Variants in PIK3R5 observed in about 807,000 individuals in gnomAD.
PIK3R5 encodes phosphoinositide 3-kinase regulatory subunit 5.
Under a neutral mutation model 94.9 loss-of-function variants are expected in PIK3R5, and 32 were observed. The observed-to-expected ratio is 0.34, with a 90% CI of 0.25 to 0.45. The LOEUF is 0.45. Among genes scored for constraint, PIK3R5 ranks in the 20% least tolerant of loss-of-function variants. The pLI is 1.00. For missense variants in PIK3R5, 853 were observed against 1,144.6 expected, an observed-to-expected ratio of 0.75 and a Z score of 3.68; for synonymous variants, 443 against 479.4, an observed-to-expected ratio of 0.92 and a Z score of 0.99.
intron 1 of PIK3R5, among the ~76,000 whole-genome samples, chr17:8,929,159 G>GA (rs1325208114): frequency 6.6e-6 from 1 of 151,994 alleles, no homozygotes; most frequent in Non-Finnish European, 1.5e-5. Context: ...TAGTCCATAG[G>GA]AAAAAATGCA....
At position 8,881,913 on chromosome 17, in the gene PIK3R5, T is replaced by A; in HGVS notation, c.2206-32A>T. ...ATGCAGTGTAGCCAGACCCTCTGAGTCCAGAGGCCCCGGTGCCTGCTGCCT... is the reference window on the plus strand; with the variant it reads ...ATGCAGTGTAGCCAGACCCTCTGAGACCAGAGGCCCCGGTGCCTGCTGCCT... On this transcript the variant is annotated intron_variant, in intron 15 of 18. Transcript: ENST00000447110. The surrounding 1 kb of genome is among the most constrained non-coding windows in gnomAD (Gnocchi z 4.8). 2 of 1,543,282 alleles carry A rather than the reference T, an allele frequency of 1.3e-6. No individual in the cohort carries two copies. The highest frequency in any genetic ancestry group is 1.8e-6 in the Non-Finnish European group (2 of 1,120,548).
rs977745949 is a variant in PIK3R5 at position 8,899,809 on chromosome 17, G to A, written c.412+4968C>T. 9.9e-5 allele frequency among the ~76,000 whole-genome samples: 15 copies of A among 152,188 alleles called. 1 individual carries two copies. Among genetic ancestry groups the A allele is most frequent in the African/African-American group, 3.6e-4 (15 of 41,430 alleles). ...AATCCCAGCACTTTGGGAGGCCGAG[G>A]TGGGCGGCTCACAAGGTTAGGAGTT... On this transcript the variant is annotated intron_variant, in intron 5 of 18. Transcript: ENST00000447110.
rs2089979918 is a variant in PIK3R5 at position 8,889,883 on chromosome 17, G to A, written c.811+90C>T. On this transcript the variant is annotated intron_variant, in intron 8 of 18. Transcript: ENST00000447110. This position sits in a 1 kb window ranked among gnomAD's most constrained non-coding sequence, Gnocchi z 4.1. ...AGTCCCTGAGTGACTGTGTGGAGCA[G>A]AGCCACCAGGCCCGCCTGGACCGTG... 3.6e-6 allele frequency: 5 copies of A among 1,391,136 alleles called. No homozygotes were observed. Among genetic ancestry groups the A allele is most frequent in the Non-Finnish European group, 4.0e-6 (4 of 991,660 alleles). The allele number at this position is 1,391,136 out of a possible 1,614,324, so 86.2% of individuals were successfully genotyped here.
chr17:8,949,729 T>C (rs1176717264), intron 1 of PIK3R5, among the ~76,000 whole-genome samples: 1 of 152,058 alleles, frequency 6.6e-6, no homozygotes, highest in Non-Finnish European at 1.5e-5. Flanking sequence ...TGCAAAGGCA[T>C]AAGAATGATA....
At chr17:8,912,276 C>A (rs1314042823) in intron 1 of PIK3R5, among the ~76,000 whole-genome samples, 1 of 152,184 alleles carries the variant, frequency 6.6e-6, no homozygotes, top group Non-Finnish European at 1.5e-5. Context: ...TGTATGAGGG[C>A]TCCTGGGTCT....
At chr17:8,931,293 G>C (rs764611378) in intron 1 of PIK3R5, among the ~76,000 whole-genome samples, 1 of 152,030 alleles carries the variant, frequency 6.6e-6, no homozygotes, top group African/African-American at 2.4e-5. Flanking sequence ...GGTGATATTC[G>C]AGAGTCCACC....
chr17:8,941,752 C>T (rs891222666), intron 1 of PIK3R5, among the ~76,000 whole-genome samples: 1 of 152,162 alleles, frequency 6.6e-6, no homozygotes, highest in Admixed American at 6.5e-5. Flanking sequence ...GAACACCTGC[C>T]GTGGTTGTCC....
intron 1 of PIK3R5, among the ~76,000 whole-genome samples, chr17:8,961,937 T>C (rs760694630): frequency 6.6e-6 from 1 of 152,154 alleles, no homozygotes; most frequent in Non-Finnish European, 1.5e-5. Context: ...ACCGATAACC[T>C]CAACTATCCA....
chr17:8,911,658 A>G lies in PIK3R5; in HGVS notation c.-13-151T>C. On this transcript the variant is annotated intron_variant, in intron 1 of 18. Coordinates refer to ENST00000447110, the MANE Select transcript of PIK3R5 (RefSeq NM_001142633.3). The surrounding 1 kb of genome is among the most constrained non-coding windows in gnomAD (Gnocchi z 5.3). ...GTGGAAACAGGACCAGGGGCCTTACAGCTGCCTCCAGGGTAGGAATGGCAT... is the reference window on the plus strand; with the variant it reads ...GTGGAAACAGGACCAGGGGCCTTACGGCTGCCTCCAGGGTAGGAATGGCAT... 1.7e-6 allele frequency: 1 copy of G among 588,576 alleles called. No homozygotes were observed. Among genetic ancestry groups the G allele is most frequent in the East Asian group, 2.9e-5 (1 of 34,534 alleles). The allele number at this position is 588,576 out of a possible 1,614,324, so 36.5% of individuals were successfully genotyped here. A position where few individuals can be genotyped will look rare whatever the true frequency, so the allele number is the denominator to read the frequency against.
At chr17:8,899,530 G>A (rs933762688) in intron 5 of PIK3R5, among the ~76,000 whole-genome samples, 16 of 152,186 alleles carry the variant, frequency 1.1e-4, no homozygotes, top group Non-Finnish European at 1.6e-4. Flanking sequence ...ATGAGGAAAC[G>A]GAAGCTCACA....
chr17:8,913,928 T>C (rs1170586839), intron 1 of PIK3R5, among the ~76,000 whole-genome samples: 1 of 152,178 alleles, frequency 6.6e-6, no homozygotes, highest in African/African-American at 2.4e-5. Context: ...GACCTGGGAT[T>C]GTGCTGGCAC....
intron 1 of PIK3R5, among the ~76,000 whole-genome samples, chr17:8,928,193 T>C (rs1221380723): frequency 1.3e-5 from 2 of 152,076 alleles, no homozygotes; most frequent in Admixed American, 1.3e-4. Flanking sequence ...GTGATTGGAG[T>C]ACCAGTGGGA....
At chr17:8,931,854 C>T (rs779353607) in intron 1 of PIK3R5, among the ~76,000 whole-genome samples, 2 of 152,126 alleles carry the variant, frequency 1.3e-5, no homozygotes, top group Non-Finnish European at 2.9e-5. Flanking sequence ...CATCTGAGAT[C>T]CTAGGAAGGT....
chr17:8,881,412 C>A lies in PIK3R5; in HGVS notation c.2382+218G>T, dbSNP rs965943081. Among the ~76,000 whole-genome samples, 6 of 151,994 alleles carry A rather than the reference C, an allele frequency of 3.9e-5. No individual in the cohort carries two copies. The highest frequency in any genetic ancestry group is 1.5e-4 in the African/African-American group (6 of 41,370). On this transcript the variant is annotated intron_variant, in intron 17 of 18. Transcript: ENST00000447110. This position sits in a 1 kb window ranked among gnomAD's most constrained non-coding sequence, Gnocchi z 4.8. ...CCCCTACCTCCCCGACACCCCGCAA[C>A]ACTCCACACCTGTGTGCATCCCCAA...
chr17:8,912,300 G>A (rs1413016338), intron 1 of PIK3R5, among the ~76,000 whole-genome samples: 7 of 152,200 alleles, frequency 4.6e-5, no homozygotes, highest in Admixed American at 2.6e-4. Context: ...GGGAAGCCAC[G>A]GAAGGTGATT....
At chr17:8,962,723 T>C (rs986088378) in intron 1 of PIK3R5, among the ~76,000 whole-genome samples, 5 of 152,238 alleles carry the variant, frequency 3.3e-5, no homozygotes, top group African/African-American at 9.6e-5. Context: ...TTGATTTCAG[T>C]GAAATTCATA....
chr17:8,943,277 A>C (rs8067159), intron 1 of PIK3R5, among the ~76,000 whole-genome samples: 90,465 of 151,700 alleles, frequency 0.6, 29,366 homozygotes, highest in Non-Finnish European at 0.73. Context: ...TTTTGTAGAG[A>C]TGGAGTCTCA....
At chr17:8,887,307 C>T in intron 11 of PIK3R5, 86 bp from the exon 12 acceptor site, 3 of 1,540,920 alleles carry the variant, frequency 1.9e-6, no homozygotes, top group South Asian at 2.4e-5. Flanking sequence ...CACCTGCAGC[C>T]CCATGCTGAG....
At chr17:8,883,242 A>G (rs1390273295) in intron 15 of PIK3R5, among the ~76,000 whole-genome samples, 1 of 152,120 alleles carries the variant, frequency 6.6e-6, no homozygotes, top group South Asian at 2.1e-4. Context: ...GGTGGCGGGC[A>G]CCTGCTACCC....
Sources: allele counts gnomAD v4.1 joint callset (sites outside exome capture counted in the v4.1 genomes callset), GRCh38; gene constraint gnomAD v4.1.1; non-coding constraint Gnocchi (gnomAD v3.1); transcripts MANE v1.5; gene names NCBI Gene and HGNC (gene_info 2026-07-23, HGNC 2026-07-21).